Variants in AJAP1 observed in about 807,000 individuals in gnomAD.
The protein encoded by AJAP1 is adherens junction-associated protein 1.
Under a neutral mutation model 35.0 loss-of-function variants are expected in AJAP1, and 5 were observed. That is an observed-to-expected ratio of 0.14 (90% CI 0.07 to 0.30). The LOEUF is 0.30. AJAP1 is among the 10% of genes least tolerant of loss of function. The pLI is 1.00. For synonymous variants in AJAP1, 284 were observed against 249.3 expected, an observed-to-expected ratio of 1.14 and a Z score of -1.31; for missense variants, 586 against 571.0, an observed-to-expected ratio of 1.03 and a Z score of -0.27.
chr1:4,686,847 C>G (rs1266228880), intron 1 of AJAP1, among the ~76,000 whole-genome samples: 1 of 152,302 alleles, frequency 6.6e-6, no homozygotes, highest in African/African-American at 2.4e-5. Context: ...TCAGTGTGGC[C>G]TCCGTTCTCT....
intron 2 of AJAP1, among the ~76,000 whole-genome samples, chr1:4,716,005 G>C (rs1640380656): frequency 6.6e-6 from 1 of 152,210 alleles, no homozygotes; most frequent in African/African-American, 2.4e-5. Context: ...AGGGATCTTT[G>C]GTATCACACT....
chr1:4,732,657 G>T (rs1272957696), intron 2 of AJAP1, among the ~76,000 whole-genome samples: 1 of 152,256 alleles, frequency 6.6e-6, no homozygotes, highest in East Asian at 1.9e-4. Context: ...GGTGAGAGCG[G>T]CTTCACAGCA....
rs540005271 is a variant in AJAP1, at chr1:4,737,904, AAAAACC to A, written c.829+25231_829+25236del. On this transcript the variant is annotated intron_variant, in intron 2 of 5. Transcript: ENST00000378191. ...GCGACAGAGCGAGACCCTCTTTCAA[AAAAACC>A]AAAACCAAAACCAAAACCAAAACCA... Among the ~76,000 whole-genome samples, 711 of 152,268 alleles carry A rather than the reference AAAAACC, an allele frequency of 4.7e-3. 3 individuals carry two copies. The highest frequency in any genetic ancestry group is 0.015 in the Admixed American group (230 of 15,296).
intron 2 of AJAP1, among the ~76,000 whole-genome samples, chr1:4,745,484 G>T (rs971396983): frequency 6.6e-6 from 1 of 152,148 alleles, no homozygotes; most frequent in African/African-American, 2.4e-5. Flanking sequence ...ATAAAGCTCC[G>T]CTCCACAGAA....
In AJAP1 at chr1:4,734,808, A is replaced by G. The variant is rs1201159346; in HGVS notation, c.829+22109A>G. On this transcript the variant is annotated intron_variant, in intron 2 of 5. Transcript: ENST00000378191. The surrounding 1 kb of genome is among the most constrained non-coding windows in gnomAD (Gnocchi z 4.3). ...GGCCAAGGCTCTCACCTTCCCCCGG[A>G]CAAGGTTTCTAAGGCCCGGGAAGCA... 1.3e-5 allele frequency among the ~76,000 whole-genome samples: 2 copies of G among 152,166 alleles called. No homozygotes were observed. The highest frequency in any genetic ancestry group is 4.8e-5 in the African/African-American group (2 of 41,444).
Position 4,655,545 on chromosome 1 carries a change from G to A in AJAP1, c.29+91G>A. 1 of 1,463,126 alleles carries A rather than the reference G, an allele frequency of 6.8e-7. No individual in the cohort carries two copies. The highest frequency in any genetic ancestry group is 2.0e-5 in the Admixed American group (1 of 49,118). 90.6% of individuals were successfully genotyped at this position (1,463,126 alleles called of 1,614,324 possible). On this transcript the variant is annotated intron_variant, in intron 1 of 5. Coordinates refer to ENST00000378191, the MANE Select transcript of AJAP1 (RefSeq NM_018836.4). The surrounding 1 kb of genome is among the most constrained non-coding windows in gnomAD (Gnocchi z 6.9). Reference sequence around the variant, plus strand: ...CTTTCCTCTATGTTGCAAATCAAGGGACCCCTCTTCGCTTCCCGCAAGCGG... The same window carrying A: ...CTTTCCTCTATGTTGCAAATCAAGGAACCCCTCTTCGCTTCCCGCAAGCGG...
chr1:4,698,823 C>G (rs1056644088), intron 1 of AJAP1, among the ~76,000 whole-genome samples: 18 of 152,166 alleles, frequency 1.2e-4, no homozygotes, highest in African/African-American at 3.9e-4. Context: ...ACTCAAGGTG[C>G]CTTAGCCACA....
chr1:4,670,593 A>C (rs1371153867), intron 1 of AJAP1, among the ~76,000 whole-genome samples: 1 of 152,184 alleles, frequency 6.6e-6, no homozygotes, highest in Non-Finnish European at 1.5e-5. Context: ...TCTTGCTGGC[A>C]TGGAAGCATG....
chr1:4,693,451 G>A lies in AJAP1; in HGVS notation c.30-18449G>A, dbSNP rs534786431. 2.9e-4 allele frequency among the ~76,000 whole-genome samples: 44 copies of A among 152,238 alleles called. 2 individuals carry two copies. Among genetic ancestry groups the A allele is most frequent in the Admixed American group, 1.2e-3 (18 of 15,304 alleles). The stretch of plus-strand genomic sequence containing the variant: ...TAGGGCTTCTGGGCTAAGACTGAGC[G>A]TCCAAGCCTTCCTTGGAGGCACCAG... On this transcript the variant is annotated intron_variant, in intron 1 of 5. Transcript: ENST00000378191. The surrounding 1 kb of genome is among the most constrained non-coding windows in gnomAD (Gnocchi z 4.4).
At chr1:4,728,105 C>T (rs190622577) in intron 2 of AJAP1, among the ~76,000 whole-genome samples, 15 of 152,258 alleles carry the variant, frequency 9.9e-5, no homozygotes, top group Admixed American at 2.6e-4. Context: ...AGGTGGTGTT[C>T]GAGCCTCTAA....
chr1:4,698,670 G>A (rs1265708013), intron 1 of AJAP1, among the ~76,000 whole-genome samples: 1 of 152,212 alleles, frequency 6.6e-6, no homozygotes, highest in Non-Finnish European at 1.5e-5. Flanking sequence ...CGTCACACAT[G>A]TGGGTGCCTC....
intron 2 of AJAP1, among the ~76,000 whole-genome samples, chr1:4,767,818 T>C (rs1170367562): frequency 3.3e-5 from 5 of 152,192 alleles, no homozygotes; most frequent in Admixed American, 2.6e-4. Flanking sequence ...ACAGCATGGC[T>C]TTCTCTTGAC....
rs552960750 is a variant in AJAP1, at chr1:4,663,603, C to T, written c.29+8149C>T. On this transcript the variant is annotated intron_variant, in intron 1 of 5. Coordinates refer to ENST00000378191, the MANE Select transcript of AJAP1 (RefSeq NM_018836.4). The stretch of plus-strand genomic sequence containing the variant: ...GAGGAGGGTGGCGCCTGGAGGAGCT[C>T]CTGGCATCCCTCTTGTGCTGGCCCC... Among the ~76,000 whole-genome samples, 4 of 152,274 alleles carry T rather than the reference C, an allele frequency of 2.6e-5. No homozygotes were observed. The South Asian group carries it at 8.3e-4, about 32-fold the overall frequency.
At chr1:4,764,234 G>C (rs942830792) in intron 2 of AJAP1, among the ~76,000 whole-genome samples, 1 of 152,166 alleles carries the variant, frequency 6.6e-6, no homozygotes, top group African/African-American at 2.4e-5. Flanking sequence ...TTCACCCCTT[G>C]GAAGACTCTG....
chr1:4,756,959 C>A (rs915474116), intron 2 of AJAP1, among the ~76,000 whole-genome samples: 3 of 152,162 alleles, frequency 2.0e-5, no homozygotes, highest in African/African-American at 7.2e-5. Flanking sequence ...TGTCATGCAG[C>A]CACACCTGCC....
At chr1:4,762,524 A>C (rs545298766) in intron 2 of AJAP1, among the ~76,000 whole-genome samples, 2 of 152,242 alleles carry the variant, frequency 1.3e-5, no homozygotes, top group Non-Finnish European at 2.9e-5. Flanking sequence ...CCGATATTTC[A>C]TGCGTATTGT....
chr1:4,789,221 T>C lies in AJAP1; in HGVS notation c.*6736T>C, dbSNP rs1217756295. The C allele has an allele frequency of 6.6e-6, 1 of 152,212 alleles. No homozygotes were observed. Among genetic ancestry groups the C allele is most frequent in the Non-Finnish European group, 1.5e-5 (1 of 68,042 alleles). 9.4% of individuals were successfully genotyped at this position (152,212 alleles called of 1,614,324 possible). On this transcript the variant is annotated 3_prime_UTR_variant, in exon 6 of 6. Transcript: ENST00000378191. The surrounding 1 kb of genome is among the most constrained non-coding windows in gnomAD (Gnocchi z 4.4). ...TAAATGGCCATATAAATGACCTACT[T>C]GTCTTCTCATGTAGGCTGGAATCAG...
chr1:4,744,625 GCACACACA>G (rs34180991), intron 2 of AJAP1, among the ~76,000 whole-genome samples: 14,359 of 149,744 alleles, frequency 0.096, 851 homozygotes, highest in Non-Finnish European at 0.13. Flanking sequence ...ACATGCATAT[GCACACACA>G]CACACACACA....
intron 2 of AJAP1, among the ~76,000 whole-genome samples, chr1:4,715,998 G>C (rs1444446175): frequency 6.6e-6 from 1 of 152,232 alleles, no homozygotes; most frequent in Non-Finnish European, 1.5e-5. Context: ...TCCAAAAAGG[G>C]ATCTTTGGTA....
Sources: allele counts gnomAD v4.1 joint callset (sites outside exome capture counted in the v4.1 genomes callset), GRCh38; gene constraint gnomAD v4.1.1; non-coding constraint Gnocchi (gnomAD v3.1); transcripts MANE v1.5; gene names NCBI Gene and HGNC (gene_info 2026-07-23, HGNC 2026-07-21).